The following AKR1C3 variants were observed in gnomAD, a reference collection of about 807,000 sequenced individuals.
AKR1C3 encodes 3-alpha hydroxysteroid dehydrogenase, type II.
A neutral mutation model predicts 43.6 loss-of-function variants in AKR1C3; 48 were observed. That is an observed-to-expected ratio of 1.10 (90% CI 0.87 to 1.40). The LOEUF is 1.40. AKR1C3 is among the 40% of genes most tolerant of loss of function. AKR1C3 has a pLI of 0.00. For missense variants in AKR1C3, 482 were observed against 391.2 expected (o/e 1.23, Z -1.96); for synonymous variants, 162 against 139.6 (o/e 1.16, Z -1.13).
Position 5,098,845 on chromosome 10 carries a change from T to C in AKR1C3, c.413T>C (p.Ile138Thr). The C allele has an allele frequency of 6.2e-7, 1 of 1,613,800 alleles. No homozygotes were observed. The highest frequency in any genetic ancestry group is 1.1e-5 in the South Asian group (1 of 90,940). The change falls in exon 4 of 9, where the codon ATA (isoleucine) becomes ACA (threonine). Residue 138 changes from isoleucine (I) to threonine (T), a missense_variant. Transcript: ENST00000380554. Reference sequence around the variant, plus strand: ...CCAACAGATGAAAATGGAAAAGTAATATTTGACATAGTGGATCTCTGTACC... The same window carrying C: ...CCAACAGATGAAAATGGAAAAGTAACATTTGACATAGTGGATCTCTGTACC... The part of the protein sequence containing the change: ...LSPTDENGKV[I>T]FDIVDLCTTW...
At chr10:5,099,224 A>G in intron 4 of AKR1C3, 103 bp from the exon 5 acceptor site, 1 of 1,557,006 alleles carries the variant, frequency 6.4e-7, no homozygotes, top group South Asian at 1.2e-5. Flanking sequence ...AGCTATTTTC[A>G]TTGTCATACT....
Position 5,098,809 on chromosome 10 carries a change from A to G in AKR1C3, c.377A>G (p.Glu126Gly). ...IHSPMSLKPG[E>G]ELSPTDENGK... ...TGACTGCTTCTATTTCAGCCAGGTG[A>G]GGAACTTTCACCAACAGATGAAAAT... The change falls in exon 4 of 9, where the codon GAG becomes GGG. Residue 126 changes from glutamate (E) to glycine (G), a missense_variant. Transcript: ENST00000380554. 6.2e-7 allele frequency: 1 copy of G among 1,613,676 alleles called. No individual in the cohort carries two copies. The highest frequency in any genetic ancestry group is 8.5e-7 in the Non-Finnish European group (1 of 1,179,736).
chr10:5,099,193 CTTTT>C lies in AKR1C3; in HGVS notation c.448-130_448-127del. On this transcript the variant is annotated intron_variant, in intron 4 of 8. Coordinates refer to ENST00000380554, the MANE Select transcript of AKR1C3 (RefSeq NM_003739.6). ...TCCCCTATTTGCTGTTTGAATTTTT[CTTTT>C]TTTGACAATCACTGCTAGCTATTTT... The C allele has an allele frequency of 1.0e-5, 15 of 1,454,318 alleles. No individual in the cohort carries two copies. In the South Asian group the frequency reaches 1.7e-4, roughly 17 times the overall value. 90.1% of individuals were successfully genotyped at this position (1,454,318 alleles called of 1,614,324 possible). A position where few individuals can be genotyped will look rare whatever the true frequency, so the allele number is the denominator to read the frequency against.
At chr10:5,098,074 C>G (rs544222594) in intron 3 of AKR1C3, 1 of 995,196 alleles carries the variant, frequency 1.0e-6, no homozygotes, top group East Asian at 1.1e-4. Flanking sequence ...TGTATTTAGC[C>G]AGGAATTACT....
At position 5,099,314 on chromosome 10, in the gene AKR1C3, C is replaced by A; in HGVS notation, c.448-13C>A. The A allele has an allele frequency of 3.1e-6, 5 of 1,614,052 alleles. No individual in the cohort carries two copies. The highest frequency in any genetic ancestry group is 3.4e-6 in the Non-Finnish European group (4 of 1,180,008). Reference sequence around the variant, plus strand: ...ACTGCACAAATAATTCCTCACAACCCCTTTCTCCACAGGCCATGGAGAAGT... The same window carrying A: ...ACTGCACAAATAATTCCTCACAACCACTTTCTCCACAGGCCATGGAGAAGT... On this transcript the variant is annotated splice_polypyrimidine_tract_variant and intron_variant, in intron 4 of 8. Transcript: ENST00000380554.
At chr10:5,076,597 T>C (rs1023471105) in intron 1 of AKR1C3, among the ~76,000 whole-genome samples, 9 of 152,218 alleles carry the variant, frequency 5.9e-5, no homozygotes, top group Admixed American at 3.3e-4. Flanking sequence ...TTGTTACTGA[T>C]GGTGAAATTT....
chr10:5,077,906 C>G, intron 1 of AKR1C3: 2 of 626,798 alleles, frequency 3.2e-6, no homozygotes, highest in Non-Finnish European at 5.6e-6. Context: ...TCAGAATCAT[C>G]TCTTTTGAAA....
At chr10:5,091,575 T>C (rs544397733), upstream of AKR1C3, among the ~76,000 whole-genome samples, 1 of 152,288 alleles carries the variant, frequency 6.6e-6, no homozygotes, top group South Asian at 2.1e-4. Context: ...TCTCAATTGC[T>C]CTTTTATTTA....
intron 1 of AKR1C3, among the ~76,000 whole-genome samples, chr10:5,053,140 C>A (rs527811196): frequency 6.6e-6 from 1 of 152,264 alleles, no homozygotes; most frequent in Non-Finnish European, 1.5e-5. Flanking sequence ...CCGTGCCATG[C>A]GCCCGCACTC....
intron 7 of AKR1C3, 134 bp from the exon 8 acceptor site, chr10:5,105,461 G>A (rs1839476182): frequency 3.2e-6 from 2 of 623,252 alleles, no homozygotes; most frequent in Non-Finnish European, 5.6e-6. Context: ...CCACCTGAGT[G>A]TTTAGAGCTG....
At position 5,098,833 on chromosome 10, in the gene AKR1C3, A is replaced by C. The variant is rs1285107079; in HGVS notation, c.401A>C (p.Asn134Thr). ...PGEELSPTDE[N>T]GKVIFDIVDL... is the part of the protein sequence containing the mutation. ...GAGGAACTTTCACCAACAGATGAAA[A>C]TGGAAAAGTAATATTTGACATAGTG... The change falls in exon 4 of 9, where the codon AAT (asparagine) becomes ACT (threonine). Residue 134 changes from asparagine (N) to threonine (T), a missense_variant. Physicochemically the swap from Asn to Thr is moderately conservative, Grantham distance 65 (BLOSUM62 0). Coordinates refer to ENST00000380554, the MANE Select transcript of AKR1C3 (RefSeq NM_003739.6). 6.2e-7 allele frequency: 1 copy of C among 1,613,860 alleles called. No individual in the cohort carries two copies. Among genetic ancestry groups the C allele is most frequent in the East Asian group, 2.2e-5 (1 of 44,870 alleles).
chr10:5,051,076 ACTGT>A (rs1460422727), intron 1 of AKR1C3, among the ~76,000 whole-genome samples: 1 of 150,966 alleles, frequency 6.6e-6, no homozygotes, highest in Non-Finnish European at 1.5e-5. Flanking sequence ...TGAAGATTTG[ACTGT>A]GTGTGTGTTT....
chr10:5,050,111 C>A (rs141393901), intron 1 of AKR1C3, among the ~76,000 whole-genome samples: 1 of 152,336 alleles, frequency 6.6e-6, no homozygotes, highest in East Asian at 1.9e-4. Flanking sequence ...TTCCATCAAC[C>A]TTGTGGTCCA....
upstream of AKR1C3, among the ~76,000 whole-genome samples, chr10:5,090,022 T>C (rs1839051996): frequency 1.3e-5 from 2 of 152,238 alleles, no homozygotes; most frequent in African/African-American, 4.8e-5. Context: ...GTTTTTACAT[T>C]GAGTTGCGCA....
chr10:5,049,847 G>A (rs1554778775), intron 1 of AKR1C3, among the ~76,000 whole-genome samples: 1 of 152,144 alleles, frequency 6.6e-6, no homozygotes, highest in Non-Finnish European at 1.5e-5. Context: ...AAAATATTTA[G>A]GACTATATAT....
intron 1 of AKR1C3, among the ~76,000 whole-genome samples, chr10:5,086,920 A>G (rs1292521100): frequency 6.6e-6 from 1 of 151,374 alleles, no homozygotes; most frequent in Non-Finnish European, 1.5e-5. Context: ...TTTGTTTTCC[A>G]TTTGCTTGAT....
At chr10:5,104,339 C>T (rs1417125455) in intron 7 of AKR1C3, among the ~76,000 whole-genome samples, 1 of 152,050 alleles carries the variant, frequency 6.6e-6, no homozygotes, top group Admixed American at 6.5e-5. Flanking sequence ...TCAAAAGGTG[C>T]CACCAACAAT....
intron 7 of AKR1C3, among the ~76,000 whole-genome samples, chr10:5,103,217 C>T (rs781784367): frequency 6.6e-6 from 1 of 152,158 alleles, no homozygotes; most frequent in Non-Finnish European, 1.5e-5. Context: ...TGTGGAGTAG[C>T]ATTAGGTGTT....
intron 1 of AKR1C3, among the ~76,000 whole-genome samples, chr10:5,070,579 T>A (rs907176172): frequency 2.6e-5 from 4 of 152,226 alleles, no homozygotes; most frequent in African/African-American, 9.7e-5. Flanking sequence ...GAGAGGACAT[T>A]TCCTGTCATA....
Sources: gnomAD v4.1 joint callset for allele counts (sites outside exome capture counted in the v4.1 genomes callset) on GRCh38, gnomAD v4.1.1 for gene constraint, MANE v1.5 for transcripts, NCBI Gene and HGNC (gene_info 2026-07-23, HGNC 2026-07-21) for gene names.